The following ANKRD30A variants were observed in gnomAD, a reference collection of about 807,000 sequenced individuals.
ANKRD30A encodes the protein ankyrin repeat domain 30A.
In ANKRD30A, 170 loss-of-function variants were observed where a neutral mutation model predicts 166.3. The ratio of observed to expected loss-of-function variants is 1.02; its 90% CI spans 0.90 to 1.16. The LOEUF (loss-of-function observed/expected upper bound fraction) is 1.16. ANKRD30A is among the 50% of genes most tolerant of loss of function. The pLI, the probability that ANKRD30A is intolerant of heterozygous loss-of-function variation, is 0.00. For missense variants in ANKRD30A, 1,630 were observed against 1,518.0 expected, an observed-to-expected ratio of 1.07 and a Z score of -1.23; for synonymous variants, 564 against 508.9, an observed-to-expected ratio of 1.11 and a Z score of -1.46.
rs988151705 is a variant in ANKRD30A, at chr10:37,142,494, A to G, written c.1393+204A>G. ...CACAATTCTTCTGGCCGTAAATGCT[A>G]GATGAACTAACTAACAATGGCTAAA... On this transcript the variant is annotated intron_variant, in intron 7 of 35. Transcript: ENST00000361713. Among the ~76,000 whole-genome samples, 123 of 151,200 alleles carry G rather than the reference A, an allele frequency of 8.1e-4. 2 individuals are homozygous for G. Among genetic ancestry groups the G allele is most frequent in the Non-Finnish European group, 5.9e-5 (4 of 67,790 alleles).
the ANKRD30A span, among the ~76,000 whole-genome samples, chr10:37,254,467 G>A: frequency 6.6e-6 from 1 of 152,018 alleles, no homozygotes; most frequent in Non-Finnish European, 1.5e-5. Context: ...TTGATGGCTG[G>A]TGATCTTAGG....
At position 37,167,833 on chromosome 10, in the gene ANKRD30A, C is replaced by T. The variant is rs1588855797; in HGVS notation, c.2155+1138C>T. Among the ~76,000 whole-genome samples the T allele has an allele frequency of 1.1e-4, 16 of 146,390 alleles. 2 individuals are homozygous for T. In the South Asian group the frequency reaches 3.6e-3, roughly 33 times the overall value. On this transcript the variant is annotated intron_variant, in intron 19 of 35. Coordinates refer to ENST00000361713, the MANE Select transcript of ANKRD30A (RefSeq NM_052997.3). ...TTTTTCTGATGAGATGTCAATTCTA[C>T]ATTCAGCTGAACTCTTATCCGAACT...
At chr10:37,178,895 G>A (rs1310735622) in intron 24 of ANKRD30A, among the ~76,000 whole-genome samples, 1 of 150,694 alleles carries the variant, frequency 6.6e-6, no homozygotes, top group Non-Finnish European at 1.5e-5. Context: ...ATTTAGAAAA[G>A]TTTTACTGCA....
chr10:37,153,957 CAG>C (rs1339131846), intron 13 of ANKRD30A, among the ~76,000 whole-genome samples: 7 of 152,034 alleles, frequency 4.6e-5, no homozygotes, highest in African/African-American at 1.7e-4. Flanking sequence ...CTGAGAAAGA[CAG>C]AACGTACAGA....
At chr10:37,258,027 A>G in the ANKRD30A span, among the ~76,000 whole-genome samples, 2 of 152,168 alleles carry the variant, frequency 1.3e-5, no homozygotes, top group Non-Finnish European at 2.9e-5. Flanking sequence ...TGGGGCTTAA[A>G]AGCCAGATGA....
At chr10:37,241,455 C>T in the ANKRD30A span, among the ~76,000 whole-genome samples, 1 of 151,064 alleles carries the variant, frequency 6.6e-6, no homozygotes, top group Admixed American at 6.6e-5. Context: ...CATTTTAAAC[C>T]ATGTTTCTAA....
At chr10:37,131,689 A>G (rs961574800) in intron 3 of ANKRD30A, among the ~76,000 whole-genome samples, 5 of 152,198 alleles carry the variant, frequency 3.3e-5, no homozygotes, top group African/African-American at 1.2e-4. Context: ...AATTTGTCAA[A>G]TGTTAATGTC....
intron 27 of ANKRD30A, among the ~76,000 whole-genome samples, chr10:37,196,430 T>A (rs1412603411): frequency 6.6e-6 from 1 of 152,140 alleles, no homozygotes; most frequent in Non-Finnish European, 1.5e-5. Context: ...TAAGGAAGTG[T>A]GTTGTTTTGG....
At chr10:37,189,723 C>T (rs752912200) in intron 25 of ANKRD30A, among the ~76,000 whole-genome samples, 166 bp downstream of exon 25, 2 of 149,216 alleles carry the variant, frequency 1.3e-5, no homozygotes, top group African/African-American at 5.0e-5. Flanking sequence ...GCATTGGCAA[C>T]AGACTATATT....
the ANKRD30A span, chr10:37,264,471 C>T: frequency 1.6e-4 from 34 of 214,874 alleles, no homozygotes; most frequent in Non-Finnish European, 2.3e-4. Context: ...GGGTGGAGTT[C>T]GGGTGAATCT....
In ANKRD30A at chr10:37,217,855, A is replaced by T. The variant is rs1318755777; in HGVS notation, c.3244A>T (p.Ser1082Cys). 6.4e-7 allele frequency: 1 copy of T among 1,555,588 alleles called. No homozygotes were observed. Among genetic ancestry groups the T allele is most frequent in the Admixed American group, 2.2e-5 (1 of 46,124 alleles). Residue 1082 changes from serine to cysteine, a missense_variant, in exon 33 of 36, where the codon AGT becomes TGT. Ser to Cys is a moderately radical substitution (Grantham distance 112). Transcript: ENST00000361713. ...ALRIQDIELK[S>C]VESNLNQVSH... is the part of the protein sequence containing the mutation. Reference sequence around the variant, plus strand: ...CAGAATACAAGATATAGAATTGAAGAGTGTAGAAAGTAATTTGAATCAGGT... The same window carrying T: ...CAGAATACAAGATATAGAATTGAAGTGTGTAGAAAGTAATTTGAATCAGGT...
intron 13 of ANKRD30A, among the ~76,000 whole-genome samples, chr10:37,157,617 C>T (rs948633426): frequency 6.6e-6 from 1 of 152,146 alleles, no homozygotes; most frequent in Non-Finnish European, 1.5e-5. Flanking sequence ...CAGAGATCCG[C>T]CCTCCTCAGC....
the ANKRD30A span, chr10:37,241,923 C>G: frequency 6.6e-6 from 1 of 152,158 alleles, no homozygotes; most frequent in African/African-American, 2.4e-5. Flanking sequence ...TGCTGACGCT[C>G]TACCGTGATT....
chr10:37,238,833 ATATT>A, the ANKRD30A span, among the ~76,000 whole-genome samples: 10 of 152,066 alleles, frequency 6.6e-5, no homozygotes, highest in Non-Finnish European at 1.5e-4. Context: ...CCTTTATCTG[ATATT>A]GAGTTATTTC....
intron 21 of ANKRD30A, among the ~76,000 whole-genome samples, chr10:37,172,526 A>T (rs1473315616): frequency 1.4e-4 from 18 of 129,010 alleles, no homozygotes; most frequent in African/African-American, 4.6e-4. Context: ...ACAGAGTTAG[A>T]GGTTTTTTTT....
intron 34 of ANKRD30A, among the ~76,000 whole-genome samples, chr10:37,220,121 G>A (rs537444077): frequency 2.5e-4 from 37 of 148,884 alleles, no homozygotes; most frequent in African/African-American, 8.6e-4. Flanking sequence ...AAAGCTGAGA[G>A]ACGTTTTACT....
the ANKRD30A span, among the ~76,000 whole-genome samples, chr10:37,252,690 T>A: frequency 6.6e-6 from 1 of 152,132 alleles, no homozygotes; most frequent in African/African-American, 2.4e-5. Context: ...CAGTTTTTTT[T>A]TTTTTACTAA....
intron 19 of ANKRD30A, among the ~76,000 whole-genome samples, chr10:37,167,481 C>T (rs576796201): frequency 1.3e-5 from 2 of 151,346 alleles, no homozygotes; most frequent in Non-Finnish European, 2.9e-5. Context: ...AACCATAAAA[C>T]TCTGAATTTA....
Position 37,141,760 on chromosome 10 carries a change from C to T in ANKRD30A, c.863C>T (p.Ala288Val), listed in dbSNP as rs529585679. The change falls in exon 7 of 36, where the codon GCG (alanine) becomes GTG (valine). Residue 288 changes from alanine to valine, a missense_variant. Transcript: ENST00000361713. ...ACACCTGATGAGGCTGCACCCTTGG[C>T]GGAAAGAACACCTGACACAGCTGAA... ...AGTPDEAAPL[A>V]ERTPDTAESL... 1.7e-5 allele frequency: 27 copies of T among 1,611,410 alleles called. No homozygotes were observed. Among genetic ancestry groups the T allele is most frequent in the Middle Eastern group, 2.1e-4 (1 of 4,794 alleles).
Sources: allele counts gnomAD v4.1 joint callset (sites outside exome capture counted in the v4.1 genomes callset), GRCh38; gene constraint gnomAD v4.1.1; transcripts MANE v1.5; gene names NCBI Gene and HGNC (gene_info 2026-07-23, HGNC 2026-07-21).